The following AGPAT4 variants were observed in gnomAD, a reference collection of about 807,000 sequenced individuals.
The protein encoded by AGPAT4 is 1-acyl-sn-glycerol-3-phosphate acyltransferase delta.
AGPAT4 carries 15 observed loss-of-function variants against 48.0 expected under a neutral mutation model. The observed-to-expected ratio is 0.31, with a 90% CI of 0.21 to 0.48. The LOEUF (loss-of-function observed/expected upper bound fraction) is 0.48. AGPAT4 is among the 20% of genes least tolerant of loss of function. The pLI is 0.99. For missense variants in AGPAT4, 314 were observed against 482.5 expected (o/e 0.65, Z 3.27); for synonymous variants, 178 against 198.7 (o/e 0.90, Z 0.88).
In AGPAT4 at chr6:161,234,235, A is replaced by T. The variant is rs1311507150; in HGVS notation, c.-89-1933T>A. On this transcript the variant is annotated intron_variant, in intron 1 of 8. Transcript: ENST00000320285. The surrounding 1 kb of genome is among the most constrained non-coding windows in gnomAD (Gnocchi z 4.4). The stretch of plus-strand genomic sequence containing the variant: ...GGGAGGCATGTTTGCACTTACTGGG[A>T]CTATCCAGAAGGCAGGCTGCATTCC... Among the ~76,000 whole-genome samples, 2 of 152,182 alleles carry T rather than the reference A, an allele frequency of 1.3e-5. No homozygotes were observed. Among genetic ancestry groups the T allele is most frequent in the Non-Finnish European group, 2.9e-5 (2 of 68,040 alleles).
rs1051343643 is a variant in AGPAT4 at position 161,234,012 on chromosome 6, G to A, written c.-89-1710C>T. ...GATCTTGGGGCTCAGTTTTAACTCC[G>A]AGCTCTTTCTCCTGCACGTGTCAGG... On this transcript the variant is annotated intron_variant, in intron 1 of 8. Transcript: ENST00000320285. The surrounding 1 kb of genome is among the most constrained non-coding windows in gnomAD (Gnocchi z 4.4). Among the ~76,000 whole-genome samples, 3 of 152,234 alleles carry A rather than the reference G, an allele frequency of 2.0e-5. No individual in the cohort carries two copies. The highest frequency in any genetic ancestry group is 2.9e-5 in the Non-Finnish European group (2 of 68,020).
intron 2 of AGPAT4, among the ~76,000 whole-genome samples, chr6:161,173,583 A>G (rs925468554): frequency 1.3e-5 from 2 of 152,124 alleles, no homozygotes; most frequent in Non-Finnish European, 2.9e-5. Context: ...TTTTTCTCCC[A>G]TTCTGTAGGT....
rs748442314 is a variant in AGPAT4 at position 161,246,897 on chromosome 6, G to A, written c.-89-14595C>T. ...CTGAACTGTCAAAGACAAAGCAAAA[G>A]TAAGAGCATAAACTGATAAAGTCCT... is the stretch of plus-strand genomic sequence containing the variant. On this transcript the variant is annotated intron_variant, in intron 1 of 8. Coordinates refer to ENST00000320285, the MANE Select transcript of AGPAT4 (RefSeq NM_020133.3). The surrounding 1 kb of genome is among the most constrained non-coding windows in gnomAD (Gnocchi z 5.5). 6.6e-6 allele frequency among the ~76,000 whole-genome samples: 1 copy of A among 152,198 alleles called. No individual in the cohort carries two copies. Among genetic ancestry groups the A allele is most frequent in the Non-Finnish European group, 1.5e-5 (1 of 68,042 alleles).
rs554763734 is a variant in AGPAT4 at position 161,153,968 on chromosome 6, C to T, written c.510+181G>A. ...GGCCCCACAGTCATACGTGGCCCCACGGTCACACACGGCCCCATGGTCACA... is the reference window on the plus strand; with the variant it reads ...GGCCCCACAGTCATACGTGGCCCCATGGTCACACACGGCCCCATGGTCACA... On this transcript the variant is annotated intron_variant, in intron 4 of 8. Coordinates refer to ENST00000320285, the MANE Select transcript of AGPAT4 (RefSeq NM_020133.3). 1.1e-4 allele frequency: 87 copies of T among 787,414 alleles called. 2 individuals carry two copies. The South Asian group carries it at 1.1e-3, about 10-fold the overall frequency. 48.8% of individuals were successfully genotyped at this position (787,414 alleles called of 1,614,324 possible).
intron 2 of AGPAT4, among the ~76,000 whole-genome samples, chr6:161,230,865 T>A (rs1208611318): frequency 6.6e-6 from 1 of 152,216 alleles, no homozygotes; most frequent in Non-Finnish European, 1.5e-5. Flanking sequence ...ACTCAAACTA[T>A]ATCCAAAATA....
At position 161,148,476 on chromosome 6, in the gene AGPAT4, C is replaced by G. The variant is rs1344081174; in HGVS notation, c.767+711G>C. Among the ~76,000 whole-genome samples, 1 of 152,150 alleles carries G rather than the reference C, an allele frequency of 6.6e-6. No homozygotes were observed. The highest frequency in any genetic ancestry group is 2.4e-5 in the African/African-American group (1 of 41,428). On this transcript the variant is annotated intron_variant, in intron 6 of 8. Transcript: ENST00000320285. This position sits in a 1 kb window ranked among gnomAD's most constrained non-coding sequence, Gnocchi z 5.5. ...ATGTGGCTTCTGTAAGGTCTTGAAT[C>G]AGAAGGTTATACGCCCCTGGATTAG... is the stretch of plus-strand genomic sequence containing the variant.
Position 161,133,586 on chromosome 6 carries a change from C to CT in AGPAT4, c.*2953dup. ...GCTGCATCTTCCAAATGGTTGGTGT[C>CT]TTTTTAAGAGTCCCCGTGGGCTGGC... On this transcript the variant is annotated 3_prime_UTR_variant, in exon 9 of 9. Coordinates refer to ENST00000320285, the MANE Select transcript of AGPAT4 (RefSeq NM_020133.3). The CT allele has an allele frequency of 6.6e-6, 1 of 152,198 alleles. No homozygotes were observed. 9.4% of individuals were successfully genotyped at this position (152,198 alleles called of 1,614,324 possible).
chr6:161,271,009 T>C (rs1402891570), intron 1 of AGPAT4, among the ~76,000 whole-genome samples: 1 of 152,220 alleles, frequency 6.6e-6, no homozygotes, highest in African/African-American at 2.4e-5. Flanking sequence ...AAGTCTGGCC[T>C]TTCGTTGTTA....
rs1231581690 is a variant in AGPAT4, at chr6:161,218,083, T to C, written c.178+13953A>G. Among the ~76,000 whole-genome samples, 1 of 152,236 alleles carries C rather than the reference T, an allele frequency of 6.6e-6. No individual in the cohort carries two copies. Among genetic ancestry groups the C allele is most frequent in the Non-Finnish European group, 1.5e-5 (1 of 68,044 alleles). Reference sequence around the variant, plus strand: ...CTGGTGTCTGTGTCTGATGAGTTGGTGCCTTGTTCTTCTGGCAAGAGAACC... The same window carrying C: ...CTGGTGTCTGTGTCTGATGAGTTGGCGCCTTGTTCTTCTGGCAAGAGAACC... On this transcript the variant is annotated intron_variant, in intron 2 of 8. Transcript: ENST00000320285. The surrounding 1 kb of genome is among the most constrained non-coding windows in gnomAD (Gnocchi z 4.7).
rs1779000549 is a variant in AGPAT4, at chr6:161,134,454, A to G, written c.*2086T>C. The G allele has an allele frequency of 2.0e-5, 3 of 152,230 alleles. No individual in the cohort carries two copies. The allele number at this position is 152,230 out of a possible 1,614,324, so 9.4% of individuals were successfully genotyped here. A position where few individuals can be genotyped will look rare whatever the true frequency, so the allele number is the denominator to read the frequency against. ...AAAATTTCTGAGCATTTTTGAGAGT[A>G]GCAACATAGAGGCAGCTTTCTAGTC... is the stretch of plus-strand genomic sequence containing the variant. On this transcript the variant is annotated 3_prime_UTR_variant, in exon 9 of 9. Coordinates refer to ENST00000320285, the MANE Select transcript of AGPAT4 (RefSeq NM_020133.3).
chr6:161,273,493 C>T (rs1562366834), intron 1 of AGPAT4, among the ~76,000 whole-genome samples: 1 of 152,212 alleles, frequency 6.6e-6, no homozygotes, highest in Middle Eastern at 3.4e-3. Flanking sequence ...TTTGTGGTTG[C>T]CATAGAAACG....
At chr6:161,268,931 T>C (rs1028044921) in intron 1 of AGPAT4, among the ~76,000 whole-genome samples, 1 of 152,212 alleles carries the variant, frequency 6.6e-6, no homozygotes, top group Non-Finnish European at 1.5e-5. Flanking sequence ...CACTAGTTTC[T>C]GGATGCACTG....
At chr6:161,250,699 GC>G (rs1367100293) in intron 1 of AGPAT4, among the ~76,000 whole-genome samples, 1 of 151,828 alleles carries the variant, frequency 6.6e-6, no homozygotes, top group East Asian at 1.9e-4. Flanking sequence ...TGCTTGTATT[GC>G]CAAATATTGC....
Position 161,226,537 on chromosome 6 carries a change from G to A in AGPAT4, c.178+5499C>T, listed in dbSNP as rs765094325. On this transcript the variant is annotated intron_variant, in intron 2 of 8. Coordinates refer to ENST00000320285, the MANE Select transcript of AGPAT4 (RefSeq NM_020133.3). This position sits in a 1 kb window ranked among gnomAD's most constrained non-coding sequence, Gnocchi z 6.3. ...CCTTGTATTTTCATTTGTGGGGTAG[G>A]GGGTGGCCCACACCCAGTTGTTGCC... Among the ~76,000 whole-genome samples, 1 of 152,150 alleles carries A rather than the reference G, an allele frequency of 6.6e-6. No homozygotes were observed. Among genetic ancestry groups the A allele is most frequent in the Non-Finnish European group, 1.5e-5 (1 of 68,020 alleles).
chr6:161,241,571 T>C (rs985395473), intron 1 of AGPAT4, among the ~76,000 whole-genome samples: 1 of 152,136 alleles, frequency 6.6e-6, no homozygotes, highest in Non-Finnish European at 1.5e-5. Context: ...GAAAAACAAA[T>C]TGGCAAGAGC....
chr6:161,253,222 GA>G (rs937958892), intron 1 of AGPAT4, among the ~76,000 whole-genome samples: 2 of 146,234 alleles, frequency 1.4e-5, no homozygotes, highest in African/African-American at 2.5e-5. Context: ...CAAAAAAAAA[GA>G]AAAAAAAATG....
rs1464449462 is a variant in AGPAT4, at chr6:161,226,101, A to C, written c.178+5935T>G. 6.6e-6 allele frequency among the ~76,000 whole-genome samples: 1 copy of C among 152,174 alleles called. No homozygotes were observed. The highest frequency in any genetic ancestry group is 1.5e-5 in the Non-Finnish European group (1 of 68,024). On this transcript the variant is annotated intron_variant, in intron 2 of 8. Coordinates refer to ENST00000320285, the MANE Select transcript of AGPAT4 (RefSeq NM_020133.3). The surrounding 1 kb of genome is among the most constrained non-coding windows in gnomAD (Gnocchi z 6.3). Reference sequence around the variant, plus strand: ...TAAGGATGACTCTTTGGACCTTCAAAGAGGGGACCCAAATTTGAGGCTGTG... The same window carrying C: ...TAAGGATGACTCTTTGGACCTTCAACGAGGGGACCCAAATTTGAGGCTGTG...
Position 161,137,483 on chromosome 6 carries a change from G to A in AGPAT4, c.1043-849C>T, listed in dbSNP as rs1779102509. ...GACATGGATGCAAGAGCCTGGGATG[G>A]GCGAATCCAGCCCAGCCAGCAGGAG... On this transcript the variant is annotated intron_variant, in intron 8 of 8. Transcript: ENST00000320285. The surrounding 1 kb of genome is among the most constrained non-coding windows in gnomAD (Gnocchi z 6.1). Among the ~76,000 whole-genome samples the A allele has an allele frequency of 6.6e-6, 1 of 152,202 alleles. No individual in the cohort carries two copies. Among genetic ancestry groups the A allele is most frequent in the African/African-American group, 2.4e-5 (1 of 41,444 alleles).
At chr6:161,174,656 T>C (rs1780378496) in intron 2 of AGPAT4, among the ~76,000 whole-genome samples, 3 of 152,330 alleles carry the variant, frequency 2.0e-5, no homozygotes, top group Admixed American at 2.0e-4. Context: ...CCTGCCTGAT[T>C]GCCCTGGCCA....
Sources: gnomAD v4.1 joint callset for allele counts (sites outside exome capture counted in the v4.1 genomes callset) on GRCh38, gnomAD v4.1.1 for gene constraint, Gnocchi (gnomAD v3.1) non-coding constraint, MANE v1.5 for transcripts, NCBI Gene and HGNC (gene_info 2026-07-23, HGNC 2026-07-21) for gene names.